The following PTPRD variants were observed in gnomAD, a reference collection of about 807,000 sequenced individuals.
PTPRD encodes the protein protein tyrosine phosphatase receptor type D, also known as receptor-type tyrosine-protein phosphatase delta.
Under a neutral mutation model 214.5 loss-of-function variants are expected in PTPRD, and 34 were observed. That is an observed-to-expected ratio of 0.16 (90% confidence interval 0.12 to 0.21). PTPRD has a LOEUF of 0.21. Among genes scored for constraint, PTPRD ranks in the 10% least tolerant of loss-of-function variants. The pLI is 1.00. For missense variants in PTPRD, 2,545 were observed against 2,398.7 expected (o/e 1.06, Z -1.27); for synonymous variants, 1,128 against 845.7 (o/e 1.33, Z -5.79).
At chr9:9,712,327 C>A (rs1279102200) in intron 7 of PTPRD, among the ~76,000 whole-genome samples, 1 of 152,084 alleles carries the variant, frequency 6.6e-6, no homozygotes, top group African/African-American at 2.4e-5. Context: ...TCTCCTATTG[C>A]TTCAGCCTAG....
chr9:9,095,024 A>G (rs1052632159), intron 10 of PTPRD, among the ~76,000 whole-genome samples: 10 of 152,216 alleles, frequency 6.6e-5, no homozygotes, highest in African/African-American at 2.4e-4. Flanking sequence ...CAACATTTGA[A>G]AAATCAACCA....
intron 6 of PTPRD, among the ~76,000 whole-genome samples, chr9:9,757,463 T>G (rs527938081): frequency 3.0e-4 from 45 of 152,284 alleles, no homozygotes; most frequent in African/African-American, 1.0e-3. Context: ...AATGTAAATT[T>G]TCAGTATCAT....
chr9:9,913,819 T>G (rs963136343), intron 5 of PTPRD, among the ~76,000 whole-genome samples: 3 of 152,108 alleles, frequency 2.0e-5, no homozygotes, highest in African/African-American at 7.2e-5. Flanking sequence ...GTGTACTCTC[T>G]CCCTCCACCT....
intron 12 of PTPRD, among the ~76,000 whole-genome samples, chr9:8,679,234 C>T (rs1011137656): frequency 2.0e-5 from 3 of 152,290 alleles, no homozygotes; most frequent in Non-Finnish European, 2.9e-5. Context: ...AACTTCAAAG[C>T]AGTTTGTTCA....
At chr9:9,847,557 C>T (rs1336287406) in intron 5 of PTPRD, among the ~76,000 whole-genome samples, 1 of 152,040 alleles carries the variant, frequency 6.6e-6, no homozygotes, top group Non-Finnish European at 1.5e-5. Flanking sequence ...TCACCAATGC[C>T]CCCTAGGTTT....
chr9:9,403,050 C>A lies in PTPRD; in HGVS notation c.-236-5568G>T, dbSNP rs1392351470. ...CCTGCCTGTAATCCCAGCACTTTGG[C>A]AGCCAAAGGCGAGTGGATCACTTGA... is the stretch of plus-strand genomic sequence containing the variant. On this transcript the variant is annotated intron_variant, in intron 8 of 45. Transcript: ENST00000381196. Among the ~76,000 whole-genome samples, 4 of 148,660 alleles carry A rather than the reference C, an allele frequency of 2.7e-5. No individual in the cohort carries two copies. In the East Asian group the frequency reaches 8.0e-4, roughly 30 times the overall value.
intron 3 of PTPRD, among the ~76,000 whole-genome samples, chr9:10,334,084 A>G (rs1437647844): frequency 6.6e-6 from 1 of 151,760 alleles, no homozygotes; most frequent in Non-Finnish European, 1.5e-5. Flanking sequence ...ATATTATGAT[A>G]TCAATGACCA....
chr9:8,608,830 G>T (rs2095337407), intron 14 of PTPRD, among the ~76,000 whole-genome samples: 2 of 152,156 alleles, frequency 1.3e-5, no homozygotes, highest in African/African-American at 2.4e-5. Flanking sequence ...GGATCTTCAT[G>T]AATCGGGCCA....
At chr9:9,767,601 A>G (rs1481297121) in intron 5 of PTPRD, among the ~76,000 whole-genome samples, 2 of 152,060 alleles carry the variant, frequency 1.3e-5, no homozygotes, top group Non-Finnish European at 2.9e-5. Context: ...GATAAATCTA[A>G]TTATAAGAAT....
At chr9:10,033,895 G>A (rs1421018757) in intron 3 of PTPRD, 105 bp from the exon 4 acceptor site, 1 of 152,018 alleles carries the variant, frequency 6.6e-6, no homozygotes, top group Non-Finnish European at 1.5e-5. Flanking sequence ...AGGAAAAACT[G>A]CCTTGTAGAT....
intron 2 of PTPRD, among the ~76,000 whole-genome samples, chr9:10,462,199 C>A (rs754310042): frequency 6.6e-6 from 1 of 152,118 alleles, no homozygotes; most frequent in East Asian, 1.9e-4. Context: ...TGTGAGCTGA[C>A]AGTACACAAT....
At chr9:9,631,569 G>A (rs1182665496) in intron 7 of PTPRD, among the ~76,000 whole-genome samples, 1 of 152,108 alleles carries the variant, frequency 6.6e-6, no homozygotes, top group Non-Finnish European at 1.5e-5. Context: ...AGGTTTCAGA[G>A]TTGTATTACA....
chr9:8,947,965 T>A (rs1485757428), intron 11 of PTPRD, among the ~76,000 whole-genome samples: 1 of 151,656 alleles, frequency 6.6e-6, no homozygotes, highest in Non-Finnish European at 1.5e-5. Flanking sequence ...TTGCCTAACA[T>A]CATACACTAG....
At chr9:10,431,426 T>C (rs183532318) in intron 2 of PTPRD, among the ~76,000 whole-genome samples, 1 of 151,916 alleles carries the variant, frequency 6.6e-6, no homozygotes, top group Admixed American at 6.6e-5. Context: ...AAAGACAAAA[T>C]TGACAAGTGG....
intron 7 of PTPRD, among the ~76,000 whole-genome samples, chr9:9,616,593 G>C (rs145232787): frequency 1.3e-5 from 2 of 152,010 alleles, no homozygotes; most frequent in Non-Finnish European, 2.9e-5. Flanking sequence ...GATCTTATTC[G>C]TGAGGGCTGC....
intron 6 of PTPRD, among the ~76,000 whole-genome samples, chr9:9,740,963 T>A (rs1006262444): frequency 6.6e-5 from 10 of 152,110 alleles, no homozygotes; most frequent in African/African-American, 2.4e-4. Context: ...GAAATAGATA[T>A]AACCCAACAT....
intron 10 of PTPRD, among the ~76,000 whole-genome samples, chr9:9,093,027 A>G (rs998429794): frequency 3.3e-5 from 5 of 152,102 alleles, no homozygotes. Flanking sequence ...TGCAAACACC[A>G]ATCAAAAAAA....
chr9:9,050,036 T>G (rs543257892), intron 10 of PTPRD, among the ~76,000 whole-genome samples: 1 of 152,318 alleles, frequency 6.6e-6, no homozygotes, highest in South Asian at 2.1e-4. Flanking sequence ...AGACATGGTT[T>G]CCTGCCCTAG....
At chr9:10,332,066 T>A (rs965107914) in intron 3 of PTPRD, among the ~76,000 whole-genome samples, 23 of 151,856 alleles carry the variant, frequency 1.5e-4, no homozygotes, top group African/African-American at 5.6e-4. Context: ...ATGCATTTAT[T>A]TTTTACATTT....
Sources: gnomAD v4.1 joint callset for allele counts (sites outside exome capture counted in the v4.1 genomes callset) on GRCh38, gnomAD v4.1.1 for gene constraint, MANE v1.5 for transcripts, NCBI Gene and HGNC (gene_info 2026-07-23, HGNC 2026-07-21) for gene names.